Variants in GSK3B observed in about 807,000 individuals in gnomAD.
The protein encoded by GSK3B is glycogen synthase kinase-3 beta.
In GSK3B, 15 loss-of-function variants were observed where a neutral mutation model predicts 56.4. The ratio of observed to expected loss-of-function variants is 0.27; its 90% CI spans 0.18 to 0.41. GSK3B has a LOEUF of 0.41. Ranked by LOEUF, GSK3B falls within the 10% of genes least tolerant of loss-of-function variation. The pLI is 1.00. For missense variants in GSK3B, 300 were observed against 513.4 expected, an observed-to-expected ratio of 0.58 and a Z score of 4.02; for synonymous variants, 181 against 188.9, an observed-to-expected ratio of 0.96 and a Z score of 0.34.
chr3:120,060,928 A>C (rs914360259), intron 1 of GSK3B, among the ~76,000 whole-genome samples: 3 of 152,180 alleles, frequency 2.0e-5, no homozygotes, highest in Non-Finnish European at 2.9e-5. Flanking sequence ...ATTTATGGTA[A>C]TGCTTCATTG....
intron 10 of GSK3B, among the ~76,000 whole-genome samples, chr3:119,833,616 A>G (rs1412758180): frequency 6.6e-6 from 1 of 151,696 alleles, no homozygotes; most frequent in Non-Finnish European, 1.5e-5. Flanking sequence ...GTAAAATAAC[A>G]TATTTTAGAC....
intron 3 of GSK3B, among the ~76,000 whole-genome samples, chr3:119,923,697 T>C (rs369641319): frequency 2.2e-4 from 33 of 152,194 alleles, no homozygotes; most frequent in African/African-American, 7.7e-4. Flanking sequence ...GGGGAAAAAA[T>C]AGTCATTTCA....
At chr3:119,838,234 GC>G in intron 10 of GSK3B, among the ~76,000 whole-genome samples, 1 of 151,954 alleles carries the variant, frequency 6.6e-6, no homozygotes, top group Non-Finnish European at 1.5e-5. Flanking sequence ...GGTTACATGA[GC>G]TGAGATCACA....
At chr3:119,909,944 A>C (rs1251921920) in intron 6 of GSK3B, among the ~76,000 whole-genome samples, 1 of 152,266 alleles carries the variant, frequency 6.6e-6, no homozygotes, top group Non-Finnish European at 1.5e-5. Context: ...ATACTTCTGC[A>C]GAATCAGTGC....
At position 119,863,501 on chromosome 3, in the gene GSK3B, T is replaced by A. The variant is rs17183904; in HGVS notation, c.1014A>T (p.Ser338=). ...RLTPLEACAH[S]FFDELRDPNV... is the part of the protein sequence containing the mutation. ...TTGGGTCCCGTAATTCATCAAAAAA[T>A]GAATGTGCACAAGCTTCCAGTGGTG... Residue 338 remains serine (S), a synonymous_variant, in exon 9 of 11, where the codon TCA becomes TCT. Transcript: ENST00000264235. 17 of 1,613,748 alleles carry A rather than the reference T, an allele frequency of 1.1e-5. No homozygotes were observed. Among genetic ancestry groups the A allele is most frequent in the Non-Finnish European group, 1.4e-5 (17 of 1,179,782 alleles).
At chr3:119,840,045 C>T (rs2055749780) in intron 10 of GSK3B, among the ~76,000 whole-genome samples, 1 of 152,034 alleles carries the variant, frequency 6.6e-6, no homozygotes, top group Admixed American at 6.6e-5. Context: ...TCCTGAAATG[C>T]TTTGTGAGGA....
At position 119,855,480 on chromosome 3, in the gene GSK3B, T is replaced by G. The variant is rs180916130; in HGVS notation, c.1096+7939A>C. On this transcript the variant is annotated intron_variant, in intron 9 of 10. Transcript: ENST00000264235. ...TTGACCCAGCCATCCCATTACTGGGTGTATACCCAAAGGATTACAAATCAT... is the reference window on the plus strand; with the variant it reads ...TTGACCCAGCCATCCCATTACTGGGGGTATACCCAAAGGATTACAAATCAT... 7.2e-5 allele frequency among the ~76,000 whole-genome samples: 11 copies of G among 152,334 alleles called. 1 individual carries two copies. Among genetic ancestry groups the G allele is most frequent in the Non-Finnish European group, 5.9e-5 (4 of 68,032 alleles).
At chr3:119,990,382 A>C (rs1161689690) in intron 2 of GSK3B, among the ~76,000 whole-genome samples, 1 of 152,184 alleles carries the variant, frequency 6.6e-6, no homozygotes, top group African/African-American at 2.4e-5. Context: ...CTCCTGATCA[A>C]AATCAGCCAG....
In GSK3B at chr3:119,822,947, ATACTCCTCTC is replaced by A; in HGVS notation, c.*3831_*3840del. On this transcript the variant is annotated 3_prime_UTR_variant, in exon 11 of 11. Transcript: ENST00000264235. ...GTCTTCATATCCACAGGGATAGAGA[ATACTCCTCTC>A]AGAAACCTTTGCATTGGTGCAGACA... is the stretch of plus-strand genomic sequence containing the variant. 1 of 229,132 alleles carries A rather than the reference ATACTCCTCTC, an allele frequency of 4.4e-6. No homozygotes were observed. Among genetic ancestry groups the A allele is most frequent in the Admixed American group, 5.7e-5 (1 of 17,640 alleles). The allele number at this position is 229,132 out of a possible 1,614,324, so 14.2% of individuals were successfully genotyped here. A position where few individuals can be genotyped will look rare whatever the true frequency, so the allele number is the denominator to read the frequency against.
At chr3:119,859,138 A>C (rs2108028317) in intron 9 of GSK3B, among the ~76,000 whole-genome samples, 1 of 151,730 alleles carries the variant, frequency 6.6e-6, no homozygotes, top group African/African-American at 2.4e-5. Context: ...TTGGAAAAAC[A>C]GGCTTAGTCA....
intron 8 of GSK3B, among the ~76,000 whole-genome samples, chr3:119,870,419 T>C (rs1465416121): frequency 6.6e-6 from 1 of 152,216 alleles, no homozygotes; most frequent in African/African-American, 2.4e-5. Context: ...GAATAAATGA[T>C]AAATTAAAAA....
At chr3:119,842,694 G>A (rs1203933008) in intron 10 of GSK3B, among the ~76,000 whole-genome samples, 2 of 152,000 alleles carry the variant, frequency 1.3e-5, no homozygotes, top group African/African-American at 4.8e-5. Flanking sequence ...CTGGCCTCGA[G>A]TGATCCTCTC....
intron 8 of GSK3B, among the ~76,000 whole-genome samples, chr3:119,868,586 T>A (rs138026990): frequency 6.6e-6 from 1 of 152,300 alleles, no homozygotes; most frequent in Non-Finnish European, 1.5e-5. Flanking sequence ...CAGCATCAGC[T>A]CTTAGCAACT....
intron 2 of GSK3B, among the ~76,000 whole-genome samples, chr3:119,962,524 G>C (rs1024259761): frequency 1.3e-4 from 20 of 151,976 alleles, no homozygotes; most frequent in Admixed American, 1.3e-3. Context: ...ACATAGTACT[G>C]TAAGTCCTAG....
chr3:119,992,542 C>T (rs1433348930), intron 2 of GSK3B, among the ~76,000 whole-genome samples: 1 of 151,884 alleles, frequency 6.6e-6, no homozygotes, highest in Non-Finnish European at 1.5e-5. Context: ...TCCTCTTTAA[C>T]CTGAGGATAG....
intron 7 of GSK3B, 149 bp from the exon 8 acceptor site, chr3:119,876,657 T>C: frequency 1.7e-6 from 1 of 603,152 alleles, no homozygotes; most frequent in Non-Finnish European, 2.9e-6. Flanking sequence ...ATGATTTGAA[T>C]ATGTCCCCCA....
chr3:119,953,311 CAA>C (rs2057176613), intron 2 of GSK3B, among the ~76,000 whole-genome samples: 1 of 152,032 alleles, frequency 6.6e-6, no homozygotes, highest in African/African-American at 2.4e-5. Context: ...ATATAGAAAA[CAA>C]AGAGCAAAAT....
intron 2 of GSK3B, among the ~76,000 whole-genome samples, chr3:119,968,312 C>T (rs904809037): frequency 6.6e-6 from 1 of 152,232 alleles, no homozygotes; most frequent in Admixed American, 6.5e-5. Flanking sequence ...CTTTACATCA[C>T]ACAAAGAAAT....
chr3:119,997,256 G>A (rs568945332), intron 2 of GSK3B, among the ~76,000 whole-genome samples: 4 of 152,256 alleles, frequency 2.6e-5, no homozygotes, highest in South Asian at 4.1e-4. Flanking sequence ...ACCAACGGAG[G>A]AGGCAGTGTT....
Sources: gnomAD v4.1 joint callset for allele counts (sites outside exome capture counted in the v4.1 genomes callset) on GRCh38, gnomAD v4.1.1 for gene constraint, MANE v1.5 for transcripts, NCBI Gene and HGNC (gene_info 2026-07-23, HGNC 2026-07-21) for gene names.